PRR16: variants seen among roughly 807,000 people sequenced by gnomAD.
The protein encoded by PRR16 is protein Largen.
PRR16 carries 6 observed loss-of-function variants against 18.2 expected under a neutral mutation model. That is an observed-to-expected ratio of 0.33 (90% confidence interval 0.18 to 0.65). The LOEUF (loss-of-function observed/expected upper bound fraction) is 0.65. Among genes scored for constraint, PRR16 ranks in the 30% least tolerant of loss-of-function variants. The pLI, the probability that PRR16 is intolerant of heterozygous loss-of-function variation, is 0.74. For synonymous variants in PRR16, 151 were observed against 147.8 expected (o/e 1.02, Z -0.16); for missense variants, 412 against 376.6 (o/e 1.09, Z -0.78).
intron 1 of PRR16, among the ~76,000 whole-genome samples, chr5:120,488,801 C>T (rs1749912344): frequency 6.6e-6 from 1 of 152,022 alleles, no homozygotes; most frequent in East Asian, 1.9e-4. Flanking sequence ...TATAAATTTC[C>T]CTCTACACAC....
chr5:120,632,591 A>G (rs1346381572), intron 1 of PRR16, among the ~76,000 whole-genome samples: 3 of 152,180 alleles, frequency 2.0e-5, no homozygotes. Context: ...TGCACCAGAA[A>G]GTCTCAGCAA....
the PRR16 span, among the ~76,000 whole-genome samples, chr5:120,774,434 A>G: frequency 2.0e-5 from 3 of 152,144 alleles, no homozygotes; most frequent in Admixed American, 6.6e-5. Context: ...TTTTATATGT[A>G]TAAATATTAT....
At chr5:120,777,147 C>T in the PRR16 span, among the ~76,000 whole-genome samples, 61 of 151,936 alleles carry the variant, frequency 4.0e-4, no homozygotes, top group African/African-American at 1.0e-3. Flanking sequence ...GAGACATTTT[C>T]GCAGACTTGA....
At chr5:120,679,600 A>T (rs184574694) in intron 1 of PRR16, among the ~76,000 whole-genome samples, 1 of 152,166 alleles carries the variant, frequency 6.6e-6, no homozygotes, top group Non-Finnish European at 1.5e-5. Flanking sequence ...ATAGCATCTG[A>T]AAGATTTACT....
At chr5:120,526,028 G>A (rs892051694) in intron 1 of PRR16, among the ~76,000 whole-genome samples, 2 of 152,160 alleles carry the variant, frequency 1.3e-5, no homozygotes, top group Non-Finnish European at 2.9e-5. Flanking sequence ...GAAAGGGGCC[G>A]AGAAACAGTT....
intron 1 of PRR16, among the ~76,000 whole-genome samples, chr5:120,671,954 G>T (rs1756621408): frequency 6.6e-6 from 1 of 152,168 alleles, no homozygotes; most frequent in South Asian, 2.1e-4. Context: ...TTTGTTGTAA[G>T]ACTTTTCCTT....
the PRR16 span, among the ~76,000 whole-genome samples, chr5:120,757,180 C>G: frequency 1.3e-5 from 2 of 151,948 alleles, no homozygotes; most frequent in Non-Finnish European, 2.9e-5. Context: ...GTCTATTTGT[C>G]TGCTTTTGTA....
intron 1 of PRR16, among the ~76,000 whole-genome samples, chr5:120,495,030 C>G (rs1235741158): frequency 6.6e-6 from 1 of 151,978 alleles, no homozygotes; most frequent in Non-Finnish European, 1.5e-5. Flanking sequence ...ATTCTTCCCA[C>G]TATATTCTTT....
At chr5:120,491,378 A>T (rs188601424) in intron 1 of PRR16, among the ~76,000 whole-genome samples, 2 of 151,494 alleles carry the variant, frequency 1.3e-5, no homozygotes, top group Non-Finnish European at 2.9e-5. Flanking sequence ...CTTCTTGTAC[A>T]TTCTATATTA....
At position 120,685,969 on chromosome 5, in the gene PRR16, G is replaced by A; in HGVS notation, c.175G>A (p.Asp59Asn). 1 of 1,613,296 alleles carries A rather than the reference G, an allele frequency of 6.2e-7. No individual in the cohort carries two copies. Among genetic ancestry groups the A allele is most frequent in the South Asian group, 1.1e-5 (1 of 90,990 alleles). ...TTTCCACTAGGTGGTTGACCAGATTGACACCCTGACCTCTGACCTACAGCT... is the reference window on the plus strand; with the variant it reads ...TTTCCACTAGGTGGTTGACCAGATTAACACCCTGACCTCTGACCTACAGCT... Reference protein sequence around the residue: ...KELKEVVDQIDTLTSDLQLED... With the variant: ...KELKEVVDQINTLTSDLQLED... Residue 59 changes from aspartate (D) to asparagine (N), a missense_variant, in exon 2 of 2, where the codon GAC (aspartate) becomes AAC (asparagine). By Grantham distance (23) the Asp-to-Asn change is conservative. Transcript: ENST00000407149.
intron 1 of PRR16, among the ~76,000 whole-genome samples, chr5:120,677,905 CTTTTTTTTTTTT>C (rs386404833): frequency 1.1e-5 from 1 of 93,218 alleles, no homozygotes; most frequent in Non-Finnish European, 1.9e-5. Flanking sequence ...CTTTTTCTTT[CTTTTTTTTTTTT>C]TTTTTTTTTT....
intron 1 of PRR16, among the ~76,000 whole-genome samples, chr5:120,667,799 A>T (rs1412029542): frequency 6.6e-6 from 1 of 152,002 alleles, no homozygotes; most frequent in Non-Finnish European, 1.5e-5. Flanking sequence ...TTCTAGTTTG[A>T]TTGCACTGTG....
intron 1 of PRR16, among the ~76,000 whole-genome samples, chr5:120,603,542 C>A (rs1239787467): frequency 1.3e-5 from 2 of 151,718 alleles, no homozygotes; most frequent in African/African-American, 4.8e-5. Context: ...TGTGGATATT[C>A]TTGTCTCAAT....
intron 1 of PRR16, among the ~76,000 whole-genome samples, chr5:120,534,997 C>T (rs1420404359): frequency 6.6e-6 from 1 of 151,960 alleles, no homozygotes; most frequent in African/African-American, 2.4e-5. Context: ...TGAGGAGTAA[C>T]ATACATGCAT....
At chr5:120,619,003 CTGGAATAAAGTCT>C (rs1017417745) in intron 1 of PRR16, among the ~76,000 whole-genome samples, 1 of 152,050 alleles carries the variant, frequency 6.6e-6, no homozygotes, top group Admixed American at 6.6e-5. Flanking sequence ...GCTTTTCCCA[CTGGAATAAAGTCT>C]TGATGGTCTA....
At chr5:120,721,440 C>T in the PRR16 span, among the ~76,000 whole-genome samples, 2 of 151,726 alleles carry the variant, frequency 1.3e-5, no homozygotes, top group Admixed American at 6.6e-5. Context: ...CATGTTTGAC[C>T]TAAGTGAGGA....
At chr5:120,729,497 C>G in the PRR16 span, among the ~76,000 whole-genome samples, 1 of 152,114 alleles carries the variant, frequency 6.6e-6, no homozygotes, top group East Asian at 1.9e-4. Flanking sequence ...ATGCGGCCAA[C>G]ATGGCGCTAA....
chr5:120,642,407 A>C (rs1326795258), intron 1 of PRR16, among the ~76,000 whole-genome samples: 2 of 152,064 alleles, frequency 1.3e-5, no homozygotes, highest in Non-Finnish European at 2.9e-5. Flanking sequence ...TGGTGGTCTC[A>C]GGTTTTTTTC....
At chr5:120,591,208 G>T (rs185093256) in intron 1 of PRR16, among the ~76,000 whole-genome samples, 427 of 152,150 alleles carry the variant, frequency 2.8e-3, no homozygotes, top group African/African-American at 9.8e-3. Context: ...GAACCTGGGA[G>T]GTGGAGGTTG....
Sources: allele counts gnomAD v4.1 joint callset (sites outside exome capture counted in the v4.1 genomes callset), GRCh38; gene constraint gnomAD v4.1.1; transcripts MANE v1.5; gene names NCBI Gene and HGNC (gene_info 2026-07-23, HGNC 2026-07-21).